The following EIPR1 variants were observed in gnomAD, a reference collection of about 807,000 sequenced individuals.
EIPR1 encodes the protein EARP complex and GARP complex interacting protein 1, also known as EARP and GARP complex-interacting protein 1.
Under a neutral mutation model 48.1 loss-of-function variants are expected in EIPR1, and 25 were observed. That is an observed-to-expected ratio of 0.52 (90% CI 0.38 to 0.73). The LOEUF (loss-of-function observed/expected upper bound fraction) is 0.73, where lower values mean the gene tolerates loss of function less well. EIPR1 is among the 30% of genes least tolerant of loss of function. The probability of loss-of-function intolerance (pLI) is 0.00; values close to 1 mark genes in which losing one functional copy is unlikely to be tolerated. For missense variants in EIPR1, 415 were observed against 506.2 expected, an observed-to-expected ratio of 0.82 and a Z score of 1.73; for synonymous variants, 204 against 201.9, an observed-to-expected ratio of 1.01 and a Z score of -0.09.
chr2:3,260,798 C>T (rs1667311419), intron 3 of EIPR1, among the ~76,000 whole-genome samples: 3 of 152,066 alleles, frequency 2.0e-5, no homozygotes, highest in Admixed American at 2.0e-4. Flanking sequence ...TGGAAGGAGG[C>T]AAAGTGAAAC....
At chr2:3,223,392 G>A (rs1665960038) in intron 4 of EIPR1, among the ~76,000 whole-genome samples, 1 of 152,156 alleles carries the variant, frequency 6.6e-6, no homozygotes, top group African/African-American at 2.4e-5. Flanking sequence ...CCCACTCATG[G>A]GAATATGCAA....
intron 1 of EIPR1, among the ~76,000 whole-genome samples, chr2:3,362,933 G>C (rs1020031774): frequency 3.3e-5 from 5 of 152,178 alleles, no homozygotes; most frequent in African/African-American, 1.2e-4. Context: ...CCATACACAT[G>C]GTAGGAAGGA....
chr2:3,232,819 C>A (rs1228311260), intron 4 of EIPR1, among the ~76,000 whole-genome samples: 1 of 152,214 alleles, frequency 6.6e-6, no homozygotes, highest in Non-Finnish European at 1.5e-5. Context: ...CCTGTCTGCA[C>A]TGGCTTCTCT....
chr2:3,323,494 G>C (rs1029699798), intron 3 of EIPR1, among the ~76,000 whole-genome samples: 8 of 152,224 alleles, frequency 5.3e-5, no homozygotes, highest in Admixed American at 5.2e-4. Flanking sequence ...CACGCGACAA[G>C]GTCTTCATTC....
At position 3,354,537 on chromosome 2, in the gene EIPR1, CA is replaced by C. The variant is rs754378788; in HGVS notation, c.126+12del. The C allele has an allele frequency of 4.1e-5, 66 of 1,612,032 alleles. No homozygotes were observed. The highest frequency in any genetic ancestry group is 5.5e-5 in the Non-Finnish European group (65 of 1,178,550). ...TAGTAATTATCATGTATACATTTGT[CA>C]AAAATAGTTACCTGATTATCATATT... On this transcript the variant is annotated intron_variant, in intron 2 of 8. Transcript: ENST00000382125.
chr2:3,207,358 C>T (rs184622706), intron 5 of EIPR1, among the ~76,000 whole-genome samples: 1 of 152,356 alleles, frequency 6.6e-6, no homozygotes, highest in African/African-American at 2.4e-5. Context: ...TGCAGGAGGA[C>T]TCACTGCCTC....
At chr2:3,287,197 T>TTCGTTCACCACGCTGCAGAAAGC (rs1668212960) in intron 3 of EIPR1, among the ~76,000 whole-genome samples, 1 of 147,590 alleles carries the variant, frequency 6.8e-6, no homozygotes, top group Non-Finnish European at 1.5e-5. Flanking sequence ...CTCCAGAAAG[T>TTCGTTCACCACGCTGCAGAAAGC]TCGTTCACCA....
At chr2:3,237,486 C>T (rs1307155691) in intron 4 of EIPR1, among the ~76,000 whole-genome samples, 1 of 152,154 alleles carries the variant, frequency 6.6e-6, no homozygotes, top group Non-Finnish European at 1.5e-5. Flanking sequence ...ATCTAATTTG[C>T]AAGTTATACT....
Position 3,331,222 on chromosome 2 carries a change from ATGAGATGTGT to A in EIPR1, c.259+6785_259+6794del, listed in dbSNP as rs1254790911. ...AGCAGAGGCAGGTGTGTATACACTC[ATGAGATGTGT>A]CAGCAGAGGCAGGTGTGTACACACT... On this transcript the variant is annotated intron_variant, in intron 3 of 8. Transcript: ENST00000382125. Among the ~76,000 whole-genome samples, 35 of 107,262 alleles carry A rather than the reference ATGAGATGTGT, an allele frequency of 3.3e-4. 2 individuals carry two copies. The highest frequency in any genetic ancestry group is 1.4e-3 in the East Asian group (2 of 1,406). The allele number at this position is 107,262 out of a possible 152,430, so 70.4% of individuals were successfully genotyped here.
rs892114285 is a variant in EIPR1 at position 3,286,162 on chromosome 2, C to T, written c.260-28707G>A. The stretch of plus-strand genomic sequence containing the variant: ...CACATGGAGCAGACACAAGCCACAC[C>T]TGCTATCCCTGCCTGATTCCCCACC... On this transcript the variant is annotated intron_variant, in intron 3 of 8. Coordinates refer to ENST00000382125, the MANE Select transcript of EIPR1 (RefSeq NM_003310.5). This position sits in a 1 kb window ranked among gnomAD's most constrained non-coding sequence, Gnocchi z 4.2. Among the ~76,000 whole-genome samples, 4 of 152,234 alleles carry T rather than the reference C, an allele frequency of 2.6e-5. No homozygotes were observed. Among genetic ancestry groups the T allele is most frequent in the Non-Finnish European group, 5.9e-5 (4 of 68,044 alleles).
At chr2:3,242,054 C>G (rs930972437) in intron 4 of EIPR1, among the ~76,000 whole-genome samples, 1 of 152,148 alleles carries the variant, frequency 6.6e-6, no homozygotes, top group East Asian at 1.9e-4. Context: ...GGGGAGGTAC[C>G]AGGACAAATG....
At chr2:3,329,130 C>T (rs1669802290) in intron 3 of EIPR1, among the ~76,000 whole-genome samples, 3 of 150,386 alleles carry the variant, frequency 2.0e-5, no homozygotes, top group African/African-American at 7.3e-5. Context: ...CTCAGGGCAC[C>T]AGCCTGGGCT....
chr2:3,233,353 CA>C (rs1292519274), intron 4 of EIPR1, among the ~76,000 whole-genome samples: 1 of 152,032 alleles, frequency 6.6e-6, no homozygotes, highest in African/African-American at 2.4e-5. Context: ...CAGTTGTTTC[CA>C]ATTTTTCACA....
At chr2:3,280,561 G>A (rs1432190289) in intron 3 of EIPR1, among the ~76,000 whole-genome samples, 2 of 152,200 alleles carry the variant, frequency 1.3e-5, no homozygotes, top group African/African-American at 4.8e-5. Context: ...CCCTGACCGC[G>A]CCTGCAGATG....
At chr2:3,331,140 CGT>C (rs1303459053) in intron 3 of EIPR1, among the ~76,000 whole-genome samples, 1 of 125,856 alleles carries the variant, frequency 7.9e-6, no homozygotes, top group Non-Finnish European at 1.8e-5. Flanking sequence ...CAGAAGCAGG[CGT>C]GTGCACACTC....
intron 3 of EIPR1, among the ~76,000 whole-genome samples, chr2:3,281,950 A>G (rs1341786310): frequency 6.6e-6 from 1 of 152,220 alleles, no homozygotes; most frequent in African/African-American, 2.4e-5. Flanking sequence ...GGCTCACATG[A>G]ATGGAACTGA....
chr2:3,228,968 T>C lies in EIPR1; in HGVS notation c.417-14720A>G, dbSNP rs118058352. Among the ~76,000 whole-genome samples the C allele has an allele frequency of 3.0e-4, 45 of 152,318 alleles. 1 individual carries two copies. In the East Asian group the frequency reaches 6.6e-3, roughly 22 times the overall value. On this transcript the variant is annotated intron_variant, in intron 4 of 8. Transcript: ENST00000382125. ...CTCAGGTATGTCTTTATTAGCAGCA[T>C]GAGAACAGACTAATATACCCTAGTC...
At chr2:3,369,444 C>G (rs778634449) in intron 1 of EIPR1, among the ~76,000 whole-genome samples, 1 of 152,130 alleles carries the variant, frequency 6.6e-6, no homozygotes, top group African/African-American at 2.4e-5. Context: ...TTGCCTCACT[C>G]GGGAAGTGCA....
At chr2:3,225,410 T>A (rs1666032497) in intron 4 of EIPR1, among the ~76,000 whole-genome samples, 1 of 152,120 alleles carries the variant, frequency 6.6e-6, no homozygotes, top group Non-Finnish European at 1.5e-5. Flanking sequence ...CCTACTTGGT[T>A]AATTTTTAAA....
Sources: gnomAD v4.1 joint callset for allele counts (sites outside exome capture counted in the v4.1 genomes callset) on GRCh38, gnomAD v4.1.1 for gene constraint, Gnocchi (gnomAD v3.1) non-coding constraint, MANE v1.5 for transcripts, NCBI Gene and HGNC (gene_info 2026-07-23, HGNC 2026-07-21) for gene names.